The following CSMD1 variants were observed in gnomAD, a reference collection of about 807,000 sequenced individuals.
The protein encoded by CSMD1 is CUB and Sushi multiple domains 1, also known as CUB and sushi domain-containing protein 1.
A neutral mutation model predicts 417.5 loss-of-function variants in CSMD1; 213 were observed. The observed-to-expected ratio is 0.51, with a 90% confidence interval of 0.46 to 0.57. The LOEUF (loss-of-function observed/expected upper bound fraction) is 0.57. Among genes scored for constraint, CSMD1 ranks in the 20% least tolerant of loss-of-function variants. The probability of loss-of-function intolerance (pLI) is 0.00; values close to 1 mark genes in which losing one functional copy is unlikely to be tolerated. For missense variants in CSMD1, 6,923 were observed against 4,529.7 expected, an observed-to-expected ratio of 1.53 and a Z score of -15.17; for synonymous variants, 2,862 against 1,736.8, an observed-to-expected ratio of 1.65 and a Z score of -16.11.
chr8:4,764,901 C>CA (rs1365454098), intron 1 of CSMD1, among the ~76,000 whole-genome samples: 70 of 13,130 alleles, frequency 5.3e-3, no homozygotes, highest in Middle Eastern at 0.067. Flanking sequence ...AAAACAACAA[C>CA]AACAAAAAAA....
intron 3 of CSMD1, among the ~76,000 whole-genome samples, chr8:4,181,366 TA>T (rs947851114): frequency 1.3e-4 from 18 of 135,396 alleles, no homozygotes; most frequent in African/African-American, 5.1e-4. Context: ...TTTATTTATT[TA>T]TTTTTTTTTT....
Position 3,985,226 on chromosome 8 carries a change from G to A in CSMD1, c.818+12677C>T, listed in dbSNP as rs1486414750. ...AGAAGGTATCTGAGAAGCATTGACGGGTTATAAATTGAAGTCCCATTTCAT... is the reference window on the plus strand; with the variant it reads ...AGAAGGTATCTGAGAAGCATTGACGAGTTATAAATTGAAGTCCCATTTCAT... On this transcript the variant is annotated intron_variant, in intron 5 of 69. Coordinates refer to ENST00000635120, the MANE Select transcript of CSMD1 (RefSeq NM_033225.6). 7.9e-5 allele frequency among the ~76,000 whole-genome samples: 12 copies of A among 152,058 alleles called. No homozygotes were observed. In the East Asian group the frequency reaches 2.3e-3, roughly 29 times the overall value.
Position 3,511,690 on chromosome 8 carries a change from G to A in CSMD1, c.1345-17964C>T, listed in dbSNP as rs1342197668. On this transcript the variant is annotated intron_variant, in intron 10 of 69. Transcript: ENST00000635120. Reference sequence around the variant, plus strand: ...GGAGAATCCCTTGAACTGGGGCGGTGGAGGTTGTGGTGAGATGAGATCACT... The same window carrying A: ...GGAGAATCCCTTGAACTGGGGCGGTAGAGGTTGTGGTGAGATGAGATCACT... 2.7e-5 allele frequency among the ~76,000 whole-genome samples: 4 copies of A among 149,270 alleles called. 1 individual carries two copies. The highest frequency in any genetic ancestry group is 1.0e-4 in the African/African-American group (4 of 38,792).
At chr8:4,101,047 G>A (rs890679367) in intron 3 of CSMD1, among the ~76,000 whole-genome samples, 1 of 152,124 alleles carries the variant, frequency 6.6e-6, no homozygotes, top group Non-Finnish European at 1.5e-5. Context: ...ATGATGCAAA[G>A]GCAGATGATG....
At chr8:3,085,105 G>T (rs943785800) in intron 49 of CSMD1, among the ~76,000 whole-genome samples, 1 of 152,006 alleles carries the variant, frequency 6.6e-6, no homozygotes, top group Non-Finnish European at 1.5e-5. Context: ...TTCTGGCAAG[G>T]AAAATTCCAC....
intron 5 of CSMD1, among the ~76,000 whole-genome samples, chr8:3,937,836 A>C (rs1810612481): frequency 6.6e-6 from 1 of 152,186 alleles, no homozygotes; most frequent in African/African-American, 2.4e-5. Flanking sequence ...TTTATGATTT[A>C]AAGTTTATAA....
At chr8:4,906,108 T>A (rs1805256262) in intron 1 of CSMD1, among the ~76,000 whole-genome samples, 1 of 152,162 alleles carries the variant, frequency 6.6e-6, no homozygotes, top group African/African-American at 2.4e-5. Flanking sequence ...ATTATCCTTG[T>A]ATGATATATG....
At chr8:4,441,443 A>C (rs986807294) in intron 2 of CSMD1, among the ~76,000 whole-genome samples, 3 of 151,884 alleles carry the variant, frequency 2.0e-5, no homozygotes, top group African/African-American at 7.3e-5. Flanking sequence ...TACTTTCTTA[A>C]AATGAAATCA....
At chr8:3,486,923 G>C (rs1001469145) in intron 11 of CSMD1, among the ~76,000 whole-genome samples, 3 of 152,184 alleles carry the variant, frequency 2.0e-5, no homozygotes, top group South Asian at 2.1e-4. Flanking sequence ...TGTCTGAACT[G>C]TCCAGTACTA....
At chr8:3,433,769 G>A (rs963642515) in intron 12 of CSMD1, among the ~76,000 whole-genome samples, 9 of 152,118 alleles carry the variant, frequency 5.9e-5, no homozygotes, top group Non-Finnish European at 7.4e-5. Flanking sequence ...ATTTCCCTAC[G>A]TAAGACTTCA....
intron 7 of CSMD1, among the ~76,000 whole-genome samples, chr8:3,699,507 G>A (rs1365892999): frequency 6.6e-6 from 1 of 152,116 alleles, no homozygotes; most frequent in Non-Finnish European, 1.5e-5. Context: ...CGCCTCACAT[G>A]GCCCTGCTTT....
At chr8:3,844,919 A>G (rs919492324) in intron 5 of CSMD1, among the ~76,000 whole-genome samples, 6 of 152,190 alleles carry the variant, frequency 3.9e-5, no homozygotes, top group Admixed American at 2.6e-4. Flanking sequence ...GCATTTAAAA[A>G]CTGCCATCAG....
chr8:3,962,481 G>C (rs1431712030), intron 5 of CSMD1, among the ~76,000 whole-genome samples: 1 of 152,116 alleles, frequency 6.6e-6, no homozygotes, highest in African/African-American at 2.4e-5. Flanking sequence ...GTCACCCCCT[G>C]TTTATGACAG....
intron 49 of CSMD1, among the ~76,000 whole-genome samples, chr8:3,054,742 T>C (rs775965660): frequency 2.1e-4 from 32 of 152,326 alleles, no homozygotes; most frequent in African/African-American, 6.0e-4. Flanking sequence ...GTGTATGGCA[T>C]ACTACAATAA....
intron 4 of CSMD1, among the ~76,000 whole-genome samples, chr8:4,008,303 C>G (rs1816285913): frequency 6.6e-6 from 1 of 151,924 alleles, no homozygotes; most frequent in South Asian, 2.1e-4. Context: ...TATAGTTATT[C>G]TGTTCAATTT....
chr8:4,420,765 C>G (rs549873493), intron 2 of CSMD1, among the ~76,000 whole-genome samples: 201 of 152,230 alleles, frequency 1.3e-3, no homozygotes, highest in African/African-American at 4.5e-3. Context: ...TGACACAGCT[C>G]TGTGATCCAC....
intron 23 of CSMD1, among the ~76,000 whole-genome samples, chr8:3,328,188 A>G (rs1170265998): frequency 6.6e-6 from 1 of 152,180 alleles, no homozygotes; most frequent in East Asian, 1.9e-4. Flanking sequence ...TCTCTAATTA[A>G]ACCGATGCCT....
At chr8:4,662,373 G>C (rs1432701409) in intron 1 of CSMD1, among the ~76,000 whole-genome samples, 2 of 152,150 alleles carry the variant, frequency 1.3e-5, no homozygotes, top group Non-Finnish European at 2.9e-5. Context: ...CATTGTTCCT[G>C]AAATTGCTGA....
At chr8:4,146,980 C>A (rs1434009155) in intron 3 of CSMD1, among the ~76,000 whole-genome samples, 1 of 151,932 alleles carries the variant, frequency 6.6e-6, no homozygotes, top group Non-Finnish European at 1.5e-5. Flanking sequence ...GGTAAGAGCT[C>A]CGCCAGCACT....
Sources: gnomAD v4.1 joint callset for allele counts (sites outside exome capture counted in the v4.1 genomes callset) on GRCh38, gnomAD v4.1.1 for gene constraint, MANE v1.5 for transcripts, NCBI Gene and HGNC (gene_info 2026-07-23, HGNC 2026-07-21) for gene names.